Variants in COL24A1 observed in about 807,000 individuals in gnomAD.
COL24A1 encodes collagen type XXIV alpha 1 chain.
Under a neutral mutation model 253.9 loss-of-function variants are expected in COL24A1, and 224 were observed. The observed-to-expected ratio is 0.88, with a 90% CI of 0.79 to 0.99. COL24A1 has a LOEUF of 0.99. COL24A1 is among the 50% of genes least tolerant of loss of function. The probability of loss-of-function intolerance (pLI) is 0.00; values close to 1 mark genes in which losing one functional copy is unlikely to be tolerated. For synonymous variants in COL24A1, 685 were observed against 673.7 expected, an observed-to-expected ratio of 1.02 and a Z score of -0.26; for missense variants, 2,131 against 2,068.5, an observed-to-expected ratio of 1.03 and a Z score of -0.59.
At chr1:86,042,171 G>T (rs1699544740) in intron 12 of COL24A1, among the ~76,000 whole-genome samples, 1 of 152,054 alleles carries the variant, frequency 6.6e-6, no homozygotes, top group African/African-American at 2.4e-5. Flanking sequence ...GTTGTGGTTA[G>T]TAAGTACTTA....
intron 37 of COL24A1, among the ~76,000 whole-genome samples, chr1:85,861,572 G>A (rs1679153673): frequency 6.6e-6 from 1 of 152,116 alleles, no homozygotes; most frequent in Non-Finnish European, 1.5e-5. Context: ...TTTTTCTGCA[G>A]TAGAAGGAAG....
At chr1:85,887,961 T>A (rs1469138805) in intron 32 of COL24A1, among the ~76,000 whole-genome samples, 1 of 152,144 alleles carries the variant, frequency 6.6e-6, no homozygotes. Context: ...GCCAACTTCA[T>A]GTTTCTCAAA....
intron 2 of COL24A1, among the ~76,000 whole-genome samples, chr1:86,138,649 T>C (rs990679773): frequency 3.3e-5 from 5 of 152,154 alleles, no homozygotes; most frequent in African/African-American, 1.2e-4. Context: ...CCTAGCTATA[T>C]GGAACTGTAA....
At chr1:85,890,991 C>T (rs1449709554) in intron 31 of COL24A1, among the ~76,000 whole-genome samples, 3 of 151,990 alleles carry the variant, frequency 2.0e-5, no homozygotes, top group East Asian at 1.9e-4. Context: ...TTACTGTGTG[C>T]GAGGCACTGA....
intron 43 of COL24A1, among the ~76,000 whole-genome samples, chr1:85,826,092 G>A (rs369188873): frequency 7.2e-6 from 1 of 138,804 alleles, no homozygotes; most frequent in African/African-American, 2.6e-5. Flanking sequence ...ATCTTGAATT[G>A]ATTTTTGTAT....
chr1:85,757,648 C>G (rs1666406644), intron 55 of COL24A1, among the ~76,000 whole-genome samples: 1 of 152,122 alleles, frequency 6.6e-6, no homozygotes, highest in Non-Finnish European at 1.5e-5. Context: ...TTGACAATCT[C>G]CATATTCCTA....
chr1:85,822,847 CCAGTTGATGTCTGATTATCCCA>C (rs1386993770), intron 45 of COL24A1, among the ~76,000 whole-genome samples: 1 of 152,192 alleles, frequency 6.6e-6, no homozygotes. Flanking sequence ...CTACCATCCC[CCAGTTGATGTCTGATTATCCCA>C]CAGTTGATGT....
At chr1:85,775,358 G>T (rs1459374997) in intron 53 of COL24A1, among the ~76,000 whole-genome samples, 1 of 152,146 alleles carries the variant, frequency 6.6e-6, no homozygotes, top group Non-Finnish European at 1.5e-5. Context: ...TTGATTTGGG[G>T]TGGAGAGTTC....
chr1:85,895,717 A>G, intron 31 of COL24A1, 141 bp downstream of exon 31: 1 of 687,292 alleles, frequency 1.5e-6, no homozygotes, highest in South Asian at 1.8e-5. Context: ...ATTTATACAT[A>G]TATCAAAATA....
chr1:85,767,103 CAATAATAAT>C (rs67386357), intron 53 of COL24A1, among the ~76,000 whole-genome samples: 8 of 145,650 alleles, frequency 5.5e-5, no homozygotes, highest in Middle Eastern at 3.6e-3. Context: ...GACTCCGTCT[CAATAATAAT>C]AATAATAATA....
At chr1:86,031,566 G>A (rs182127798) in intron 14 of COL24A1, among the ~76,000 whole-genome samples, 13 of 151,864 alleles carry the variant, frequency 8.6e-5, no homozygotes, top group Non-Finnish European at 8.8e-5. Flanking sequence ...GAAAGAAGAG[G>A]GTCTTCTATG....
intron 5 of COL24A1, among the ~76,000 whole-genome samples, chr1:86,100,438 T>C (rs1180044747): frequency 6.6e-6 from 1 of 152,174 alleles, no homozygotes; most frequent in Non-Finnish European, 1.5e-5. Context: ...TTCTTCTATT[T>C]ACCATTTTTT....
intron 20 of COL24A1, among the ~76,000 whole-genome samples, 186 bp from the exon 21 acceptor site, chr1:85,971,579 T>G (rs1470075618): frequency 2.0e-5 from 3 of 152,186 alleles, no homozygotes; most frequent in Non-Finnish European, 4.4e-5. Context: ...TAGGATAAAC[T>G]TATTTTTAAA....
At chr1:86,036,997 C>T (rs1044776824) in intron 12 of COL24A1, among the ~76,000 whole-genome samples, 2 of 152,124 alleles carry the variant, frequency 1.3e-5, no homozygotes, top group African/African-American at 2.4e-5. Flanking sequence ...GCCAGTTTCA[C>T]AAATGTTAAC....
In COL24A1 at chr1:85,802,953, T is replaced by C. The variant is rs188349656; in HGVS notation, c.3951+13835A>G. ...TTGTATACATGTACTAGAATTTATT[T>C]AGCCATTCACTTTTTGATGGACATT... On this transcript the variant is annotated intron_variant, in intron 47 of 59. Coordinates refer to ENST00000370571, the MANE Select transcript of COL24A1 (RefSeq NM_152890.7). Among the ~76,000 whole-genome samples, 4 of 152,360 alleles carry C rather than the reference T, an allele frequency of 2.6e-5. No individual in the cohort carries two copies. The East Asian group carries it at 7.7e-4, about 29-fold the overall frequency.
At chr1:85,869,971 C>T (rs1271434317) in intron 35 of COL24A1, among the ~76,000 whole-genome samples, 1 of 152,130 alleles carries the variant, frequency 6.6e-6, no homozygotes, top group Non-Finnish European at 1.5e-5. Flanking sequence ...TGCAGAGACA[C>T]ACGATGGCTC....
chr1:86,071,552 A>C lies in COL24A1; in HGVS notation c.1708-7793T>G, dbSNP rs144804161. Among the ~76,000 whole-genome samples the C allele has an allele frequency of 2.1e-3, 315 of 152,328 alleles. 1 individual carries two copies. Among genetic ancestry groups the C allele is most frequent in the Non-Finnish European group, 3.2e-3 (218 of 68,022 alleles). On this transcript the variant is annotated intron_variant, in intron 7 of 59. Transcript: ENST00000370571. Reference sequence around the variant, plus strand: ...TAGACTGAAAATAAAGGGATAAAAAAAGATATTCCATGCCAATGGAAACGA... The same window carrying C: ...TAGACTGAAAATAAAGGGATAAAAACAGATATTCCATGCCAATGGAAACGA...
intron 24 of COL24A1, among the ~76,000 whole-genome samples, chr1:85,934,251 A>G (rs892076983): frequency 1.3e-5 from 2 of 152,198 alleles, no homozygotes; most frequent in African/African-American, 4.8e-5. Flanking sequence ...GAAATGCATA[A>G]CTGAGTCCAT....
rs1667262230 is a variant in COL24A1, at chr1:85,765,452, T to TGGGG, written c.4375-3887_4375-3886insCCCC. Among the ~76,000 whole-genome samples, 13 of 151,894 alleles carry TGGGG rather than the reference T, an allele frequency of 8.6e-5. No homozygotes were observed. The South Asian group carries it at 1.2e-3, about 15-fold the overall frequency. The stretch of plus-strand genomic sequence containing the variant: ...AGGTATAGTGACTCATGCCTGTAAT[T>TGGGG]CTGGGGCTTTGGGAGGCAGAGGCCA... On this transcript the variant is annotated intron_variant, in intron 53 of 59. Coordinates refer to ENST00000370571, the MANE Select transcript of COL24A1 (RefSeq NM_152890.7).
Sources: allele counts gnomAD v4.1 joint callset (sites outside exome capture counted in the v4.1 genomes callset), GRCh38; gene constraint gnomAD v4.1.1; transcripts MANE v1.5; gene names NCBI Gene and HGNC (gene_info 2026-07-23, HGNC 2026-07-21).